Variants in ADCY2 observed in about 807,000 individuals in gnomAD.
ADCY2 encodes adenylate cyclase 2.
A neutral mutation model predicts 125.2 loss-of-function variants in ADCY2; 31 were observed. That is an observed-to-expected ratio of 0.25 (90% CI 0.19 to 0.33). The LOEUF (loss-of-function observed/expected upper bound fraction) is 0.33, where lower values mean the gene tolerates loss of function less well. ADCY2 is among the 10% of genes least tolerant of loss of function. ADCY2 has a pLI of 1.00. For synonymous variants in ADCY2, 512 were observed against 548.4 expected (o/e 0.93, Z 0.93); for missense variants, 904 against 1,418.2 (o/e 0.64, Z 5.82).
At chr5:7,579,736 G>GA (rs1334776002) in intron 3 of ADCY2, among the ~76,000 whole-genome samples, 4 of 151,994 alleles carry the variant, frequency 2.6e-5, no homozygotes, top group Admixed American at 1.3e-4. Context: ...AGGAAACAAG[G>GA]AAAAAATGAC....
intron 5 of ADCY2, among the ~76,000 whole-genome samples, chr5:7,693,265 C>T (rs1740767221): frequency 6.6e-6 from 1 of 152,048 alleles, no homozygotes; most frequent in East Asian, 1.9e-4. Flanking sequence ...TCCAGGTTGC[C>T]ACAGCAGGAG....
At chr5:7,522,945 A>C (rs35147750) in intron 3 of ADCY2, among the ~76,000 whole-genome samples, 8 of 151,762 alleles carry the variant, frequency 5.3e-5, no homozygotes, top group East Asian at 3.9e-4. Flanking sequence ...ACAAAAAAAA[A>C]CAAAGAAATG....
At chr5:7,685,048 A>G (rs1257297283) in intron 4 of ADCY2, 2 of 152,228 alleles carry the variant, frequency 1.3e-5, no homozygotes, top group African/African-American at 2.4e-5. Flanking sequence ...GCCCTTCTTC[A>G]TCCTCCTCCC....
intron 3 of ADCY2, among the ~76,000 whole-genome samples, chr5:7,552,993 C>G (rs1735386425): frequency 6.6e-6 from 1 of 152,164 alleles, no homozygotes; most frequent in South Asian, 2.1e-4. Context: ...GACAGGTTAG[C>G]TATTGTTTTG....
intron 3 of ADCY2, among the ~76,000 whole-genome samples, chr5:7,622,452 C>T (rs1352737424): frequency 3.3e-5 from 5 of 152,130 alleles, no homozygotes; most frequent in Admixed American, 6.5e-5. Flanking sequence ...TAAAGCCCTA[C>T]GTTGTATATT....
intron 4 of ADCY2, among the ~76,000 whole-genome samples, chr5:7,672,355 C>A (rs1357140782): frequency 6.6e-6 from 1 of 152,138 alleles, no homozygotes; most frequent in Non-Finnish European, 1.5e-5. Flanking sequence ...TTTAATGTGT[C>A]TGCAATGCCT....
chr5:7,598,988 C>A (rs1737106748), intron 3 of ADCY2, among the ~76,000 whole-genome samples: 1 of 152,226 alleles, frequency 6.6e-6, no homozygotes, highest in African/African-American at 2.4e-5. Context: ...CACAGCATTG[C>A]CCCACATGTC....
intron 3 of ADCY2, among the ~76,000 whole-genome samples, chr5:7,617,533 C>T (rs987407336): frequency 1.3e-5 from 2 of 152,010 alleles, no homozygotes; most frequent in Non-Finnish European, 2.9e-5. Context: ...TTAGCAAAGC[C>T]CACTCCTTTT....
At chr5:7,729,247 A>G (rs567046653) in intron 14 of ADCY2, among the ~76,000 whole-genome samples, 2 of 152,316 alleles carry the variant, frequency 1.3e-5, no homozygotes, top group East Asian at 1.9e-4. Context: ...AGATACAGAA[A>G]AGTACAGAGT....
chr5:7,413,335 C>T (rs1489245636), intron 1 of ADCY2, among the ~76,000 whole-genome samples: 1 of 152,038 alleles, frequency 6.6e-6, no homozygotes, highest in Non-Finnish European at 1.5e-5. Flanking sequence ...CGCTCTGGCG[C>T]CCAGGCTGGA....
intron 2 of ADCY2, among the ~76,000 whole-genome samples, chr5:7,513,663 T>C (rs1489503409): frequency 1.3e-5 from 2 of 152,198 alleles, no homozygotes; most frequent in African/African-American, 2.4e-5. Context: ...CCTTGGACTA[T>C]TTTTACTAAA....
chr5:7,802,043 T>C lies in ADCY2; in HGVS notation c.2629-175T>C. ...CCTGAATCCAGCTCATTAGAAGCTT[T>C]CCCCTGAGAGCAGCGGCAGCATCTG... On this transcript the variant is annotated intron_variant, in intron 20 of 24. Transcript: ENST00000338316. The surrounding 1 kb of genome is among the most constrained non-coding windows in gnomAD (Gnocchi z 4.6). The C allele has an allele frequency of 1.6e-6, 1 of 633,074 alleles. No individual in the cohort carries two copies. Among genetic ancestry groups the C allele is most frequent in the Non-Finnish European group, 2.7e-6 (1 of 376,660 alleles). 39.2% of individuals were successfully genotyped at this position (633,074 alleles called of 1,614,324 possible). A position where few individuals can be genotyped will look rare whatever the true frequency, so the allele number is the denominator to read the frequency against.
At chr5:7,544,689 A>T (rs1460262697) in intron 3 of ADCY2, among the ~76,000 whole-genome samples, 3 of 152,162 alleles carry the variant, frequency 2.0e-5, no homozygotes, top group Non-Finnish European at 4.4e-5. Flanking sequence ...GGGGATTAGA[A>T]CGTGGACATC....
At chr5:7,588,212 T>A (rs1363412657) in intron 3 of ADCY2, among the ~76,000 whole-genome samples, 1 of 152,104 alleles carries the variant, frequency 6.6e-6, no homozygotes, top group African/African-American at 2.4e-5. Flanking sequence ...ATGGAATGTT[T>A]TGGAAAAAAT....
At chr5:7,669,488 C>T (rs1739861077) in intron 4 of ADCY2, among the ~76,000 whole-genome samples, 1 of 152,062 alleles carries the variant, frequency 6.6e-6, no homozygotes, top group African/African-American at 2.4e-5. Context: ...ACTTGGTATC[C>T]CTGGCCAAGG....
intron 2 of ADCY2, among the ~76,000 whole-genome samples, chr5:7,485,964 T>A (rs1742909083): frequency 6.6e-6 from 1 of 152,202 alleles, no homozygotes; most frequent in Non-Finnish European, 1.5e-5. Context: ...TTTATTTTAA[T>A]AAATATCTAT....
At chr5:7,537,093 T>G (rs1579549341) in intron 3 of ADCY2, among the ~76,000 whole-genome samples, 1 of 152,220 alleles carries the variant, frequency 6.6e-6, no homozygotes, top group Non-Finnish European at 1.5e-5. Flanking sequence ...GTAGAAATTT[T>G]ATTCTGGTTT....
At chr5:7,671,743 G>C (rs554304283) in intron 4 of ADCY2, among the ~76,000 whole-genome samples, 1 of 152,212 alleles carries the variant, frequency 6.6e-6, no homozygotes, top group Non-Finnish European at 1.5e-5. Flanking sequence ...CTACTGAGTG[G>C]GGAAATGAGA....
At chr5:7,500,999 T>C (rs897724278) in intron 2 of ADCY2, among the ~76,000 whole-genome samples, 4 of 152,184 alleles carry the variant, frequency 2.6e-5, no homozygotes, top group Non-Finnish European at 5.9e-5. Flanking sequence ...TCTAAGTTCG[T>C]CAAGTGATTT....
Sources: allele counts gnomAD v4.1 joint callset (sites outside exome capture counted in the v4.1 genomes callset), GRCh38; gene constraint gnomAD v4.1.1; non-coding constraint Gnocchi (gnomAD v3.1); transcripts MANE v1.5; gene names NCBI Gene and HGNC (gene_info 2026-07-23, HGNC 2026-07-21).